The following GOLGA3 variants were observed in gnomAD, a reference collection of about 807,000 sequenced individuals.
GOLGA3 encodes golgin A3, also known as golgin subfamily A member 3.
Under a neutral mutation model 169.4 loss-of-function variants are expected in GOLGA3, and 75 were observed. The ratio of observed to expected loss-of-function variants is 0.44; its 90% CI spans 0.37 to 0.54. GOLGA3 has a LOEUF of 0.54. GOLGA3 is among the 20% of genes least tolerant of loss of function. GOLGA3 has a pLI of 0.00. For missense variants in GOLGA3, 1,899 were observed against 1,930.0 expected (o/e 0.98, Z 0.30); for synonymous variants, 824 against 822.4 (o/e 1.00, Z -0.03).
intron 3 of GOLGA3, among the ~76,000 whole-genome samples, chr12:132,814,100 C>T (rs1949849493): frequency 6.7e-6 from 1 of 150,334 alleles, no homozygotes; most frequent in Admixed American, 6.7e-5. Context: ...TCTCGGCTCA[C>T]CACAACCTCT....
chr12:132,794,278 C>T (rs552268928), intron 11 of GOLGA3, among the ~76,000 whole-genome samples: 123 of 150,584 alleles, frequency 8.2e-4, no homozygotes, highest in African/African-American at 2.8e-3. Context: ...GCAGTTCACT[C>T]GAGCCTAAGA....
chr12:132,800,932 C>G (rs1949101291), intron 8 of GOLGA3, among the ~76,000 whole-genome samples: 1 of 152,168 alleles, frequency 6.6e-6, no homozygotes, highest in East Asian at 1.9e-4. Context: ...GCTCTCCAGC[C>G]TGGGTGACGG....
intron 12 of GOLGA3, among the ~76,000 whole-genome samples, chr12:132,790,025 T>G (rs540928515): frequency 8.7e-5 from 13 of 148,922 alleles, no homozygotes; most frequent in African/African-American, 3.3e-4. Flanking sequence ...ACAGCCAGAC[T>G]CTGTCTCAAA....
rs1166802314 is a variant in GOLGA3, at chr12:132,807,300, G to A, written c.1179-12C>T. ...TCTCCAAGGACACGCTGGGGACAAA[G>A]GCACGGGTCAGGCCTGTGCGAGCCA... On this transcript the variant is annotated splice_polypyrimidine_tract_variant and intron_variant, in intron 5 of 23. Coordinates refer to ENST00000450791, the MANE Select transcript of GOLGA3 (RefSeq NM_001389683.1). 1.3e-6 allele frequency: 2 copies of A among 1,493,738 alleles called. No individual in the cohort carries two copies. The highest frequency in any genetic ancestry group is 2.4e-5 in the South Asian group (2 of 83,008). The allele number at this position is 1,493,738 out of a possible 1,614,324, so 92.5% of individuals were successfully genotyped here.
intron 1 of GOLGA3, chr12:132,826,075 C>G (rs191719138): frequency 1.4e-6 from 2 of 1,422,750 alleles, no homozygotes; most frequent in Non-Finnish European, 2.0e-6. Context: ...TCGGTGACAT[C>G]GTCACAGTGG....
At chr12:132,784,131 A>G (rs1453790101) in intron 16 of GOLGA3, 33 bp downstream of exon 16, 2 of 1,602,172 alleles carry the variant, frequency 1.2e-6, no homozygotes, top group Non-Finnish European at 1.7e-6. Flanking sequence ...GACCTGCCCC[A>G]CGCTGCCGCC....
chr12:132,778,767 C>T (rs1394409858), intron 18 of GOLGA3, among the ~76,000 whole-genome samples: 11 of 151,660 alleles, frequency 7.3e-5, no homozygotes, highest in Middle Eastern at 3.2e-3. Context: ...TGGTGGTGCA[C>T]GCCTGTAGTT....
chr12:132,776,829 G>A (rs1010334607), intron 20 of GOLGA3, 73 bp from the exon 21 acceptor site: 1 of 1,578,764 alleles, frequency 6.3e-7, no homozygotes, highest in Non-Finnish European at 8.6e-7. Context: ...GGCTCTAGCT[G>A]TGTTTTGGTT....
Position 132,771,650 on chromosome 12 carries a change from A to G in GOLGA3, c.*1455T>C, listed in dbSNP as rs73487155. ...TCTGCTTGCCACATGATGCTGGTGTAACCACAAAAGATCCAGGACTTCTCG... is the reference window on the plus strand; with the variant it reads ...TCTGCTTGCCACATGATGCTGGTGTGACCACAAAAGATCCAGGACTTCTCG... On this transcript the variant is annotated 3_prime_UTR_variant, in exon 24 of 24. Transcript: ENST00000450791. The G allele has an allele frequency of 0.086, 13,099 of 152,100 alleles. 693 individuals carry two copies. Among genetic ancestry groups the G allele is most frequent in the Admixed American group, 0.14 (2,126 of 15,258 alleles). 9.4% of individuals were successfully genotyped at this position (152,100 alleles called of 1,614,324 possible).
rs1234289580 is a variant in GOLGA3 at position 132,828,787 on chromosome 12, C to T, written c.-184+16G>A. ...GAGCCCGAGCCCCGAGGCGCCGCGGCCTCCGAGCCCCTCACCCTGCTGCTC... is the reference window on the plus strand; with the variant it reads ...GAGCCCGAGCCCCGAGGCGCCGCGGTCTCCGAGCCCCTCACCCTGCTGCTC... On this transcript the variant is annotated intron_variant, in intron 1 of 23. Coordinates refer to ENST00000450791, the MANE Select transcript of GOLGA3 (RefSeq NM_001389683.1). 6.9e-6 allele frequency: 1 copy of T among 145,182 alleles called. No homozygotes were observed. The highest frequency in any genetic ancestry group is 1.5e-5 in the Non-Finnish European group (1 of 68,096). 9.0% of individuals were successfully genotyped at this position (145,182 alleles called of 1,614,324 possible). A position where few individuals can be genotyped will look rare whatever the true frequency, so the allele number is the denominator to read the frequency against.
rs1222004410 is a variant in GOLGA3 at position 132,811,063 on chromosome 12, C to CACGTGACCG, written c.519+2243_519+2244insCGGTCACGT. On this transcript the variant is annotated intron_variant, in intron 4 of 23. Transcript: ENST00000450791. ...AGGGGAGGGCCCCCTGTCCAGTGGG[C>CACGTGACCG]ACGTGACCCACGTGACCTTACTTAT... 3.9e-5 allele frequency among the ~76,000 whole-genome samples: 6 copies of CACGTGACCG among 152,344 alleles called. No individual in the cohort carries two copies. The East Asian group carries it at 1.2e-3, about 29-fold the overall frequency.
intron 16 of GOLGA3, among the ~76,000 whole-genome samples, chr12:132,783,041 C>A (rs1208756440): frequency 6.6e-6 from 1 of 152,110 alleles, no homozygotes; most frequent in South Asian, 2.1e-4. Context: ...ACCAAAACTA[C>A]AGAAATTATC....
chr12:132,776,223 A>G (rs12231345), intron 21 of GOLGA3, among the ~76,000 whole-genome samples: 1,658 of 15,278 alleles, frequency 0.11, no homozygotes, highest in Admixed American at 0.2. Context: ...TGTGTCCAGC[A>G]CCTCATACAC....
chr12:132,799,594 G>T (rs896800461), intron 8 of GOLGA3, among the ~76,000 whole-genome samples: 12 of 152,308 alleles, frequency 7.9e-5, no homozygotes, highest in South Asian at 2.1e-4. Flanking sequence ...GAGCTATGAT[G>T]GTAACACTGA....
chr12:132,826,290 C>A, intron 1 of GOLGA3: 2 of 904,038 alleles, frequency 2.2e-6, no homozygotes, highest in Non-Finnish European at 3.3e-6. Flanking sequence ...CGGCCACGGC[C>A]CAGACAGGCA....
rs2045324285 is a variant in GOLGA3 at position 132,777,699 on chromosome 12, A to T, written c.3689T>A (p.Val1230Glu). 1 of 1,614,116 alleles carries T rather than the reference A, an allele frequency of 6.2e-7. No individual in the cohort carries two copies. Among genetic ancestry groups the T allele is most frequent in the Non-Finnish European group, 8.5e-7 (1 of 1,180,006 alleles). The change falls in exon 19 of 24, where the codon GTG becomes GAG. Residue 1230 changes from valine to glutamate, a missense_variant. By Grantham distance (121) the Val-to-Glu change is moderately radical. Coordinates refer to ENST00000450791, the MANE Select transcript of GOLGA3 (RefSeq NM_001389683.1). The surrounding 1 kb of genome is among the most constrained non-coding windows in gnomAD (Gnocchi z 4.7). ...GTCGGCCTCGGCCTGCAGCTTCTGC[A>T]CCAGGTGTTCCTTGGCCTGCAGCTC... is the stretch of plus-strand genomic sequence containing the variant. ...KKELQAKEHLVQKLQAEADDL... is the reference protein window; with the variant it reads ...KKELQAKEHLEQKLQAEADDL...
At chr12:132,780,445 G>C (rs1345376068) in intron 18 of GOLGA3, among the ~76,000 whole-genome samples, 1 of 152,200 alleles carries the variant, frequency 6.6e-6, no homozygotes, top group African/African-American at 2.4e-5. Flanking sequence ...CACAGAGAAG[G>C]GTCCACAGAA....
intron 13 of GOLGA3, among the ~76,000 whole-genome samples, chr12:132,787,566 CTGAGA>C (rs2045965886): frequency 1.4e-5 from 2 of 146,696 alleles, no homozygotes; most frequent in Non-Finnish European, 3.0e-5. Context: ...AGGACCCTTC[CTGAGA>C]CCCCGGGACC....
chr12:132,818,119 C>T (rs1283766011), intron 2 of GOLGA3, among the ~76,000 whole-genome samples: 26 of 145,580 alleles, frequency 1.8e-4, no homozygotes, highest in African/African-American at 5.9e-4. Flanking sequence ...TCCACTCCTC[C>T]ATGCTCTAAG....
Sources: allele counts gnomAD v4.1 joint callset (sites outside exome capture counted in the v4.1 genomes callset), GRCh38; gene constraint gnomAD v4.1.1; non-coding constraint Gnocchi (gnomAD v3.1); transcripts MANE v1.5; gene names NCBI Gene and HGNC (gene_info 2026-07-23, HGNC 2026-07-21).